Variants in CD44 observed in about 807,000 individuals in gnomAD.
The protein encoded by CD44 is CD44 molecule (IN blood group).
In CD44, 49 loss-of-function variants were observed where a neutral mutation model predicts 88.8. The observed-to-expected ratio is 0.55, with a 90% CI of 0.44 to 0.70. The LOEUF (loss-of-function observed/expected upper bound fraction) is 0.70, where lower values mean the gene tolerates loss of function less well. Ranked by LOEUF, CD44 falls within the 30% of genes least tolerant of loss-of-function variation. The pLI is 0.00. For synonymous variants in CD44, 325 were observed against 312.3 expected (o/e 1.04, Z -0.43); for missense variants, 883 against 913.8 (o/e 0.97, Z 0.43).
chr11:35,193,613 G>T (rs942584865), intron 5 of CD44, among the ~76,000 whole-genome samples: 4 of 152,142 alleles, frequency 2.6e-5, no homozygotes, highest in Admixed American at 2.0e-4. Context: ...AATCTCAGCT[G>T]GCTTAAATTA....
intron 3 of CD44, 74 bp downstream of exon 3, chr11:35,180,481 G>C: frequency 6.6e-7 from 1 of 1,514,760 alleles, no homozygotes; most frequent in Non-Finnish European, 9.1e-7. Context: ...GCTTAAGTGG[G>C]GATTCATGTA....
intron 5 of CD44, among the ~76,000 whole-genome samples, chr11:35,192,540 C>T (rs1302542058): frequency 2.0e-5 from 3 of 152,102 alleles, no homozygotes; most frequent in Non-Finnish European, 2.9e-5. Context: ...ACAGAAGAAG[C>T]GGTCTTTGGC....
intron 15 of CD44, 117 bp downstream of exon 15, chr11:35,215,031 C>T (rs2134255917): frequency 1.9e-6 from 1 of 514,150 alleles, no homozygotes; most frequent in East Asian, 3.4e-5. Context: ...TCTTAGCATA[C>T]ATCACAATTG....
chr11:35,199,122 A>G (rs1271665705), intron 7 of CD44, among the ~76,000 whole-genome samples: 1 of 152,232 alleles, frequency 6.6e-6, no homozygotes, highest in Non-Finnish European at 1.5e-5. Context: ...CTGGACACCA[A>G]TATAGCAGAA....
chr11:35,182,055 A>G lies in CD44; in HGVS notation c.367+1648A>G, dbSNP rs937841582. On this transcript the variant is annotated intron_variant, in intron 3 of 17. Transcript: ENST00000428726. ...TATACACATTTATATATATAAAATCAAGATATCACAGATATATATACCATA... is the reference window on the plus strand; with the variant it reads ...TATACACATTTATATATATAAAATCGAGATATCACAGATATATATACCATA... 2.2e-5 allele frequency among the ~76,000 whole-genome samples: 3 copies of G among 135,076 alleles called. No homozygotes were observed. The East Asian group carries it at 6.0e-4, about 27-fold the overall frequency. 88.6% of individuals were successfully genotyped at this position (135,076 alleles called of 152,430 possible).
At position 35,139,220 on chromosome 11, in the gene CD44, C is replaced by G; in HGVS notation, c.-84C>G. ...TCTGCCAGGTTCGGTCCGCCATCCT[C>G]GTCCCGTCCTCCGCCGGCCCCTGCC... On this transcript the variant is annotated 5_prime_UTR_variant, in exon 1 of 18. Transcript: ENST00000428726. The G allele has an allele frequency of 1.8e-6, 2 of 1,096,944 alleles. No individual in the cohort carries two copies. Among genetic ancestry groups the G allele is most frequent in the Non-Finnish European group, 1.4e-6 (1 of 735,630 alleles). The allele number at this position is 1,096,944 out of a possible 1,614,324, so 68.0% of individuals were successfully genotyped here.
chr11:35,204,712 T>C (rs926650050), intron 10 of CD44, 72 bp downstream of exon 10: 61 of 1,393,436 alleles, frequency 4.4e-5, no homozygotes, highest in Non-Finnish European at 5.7e-5. Flanking sequence ...ATTGAGGACA[T>C]TGAACAAAAG....
intron 5 of CD44, among the ~76,000 whole-genome samples, chr11:35,193,669 C>T (rs975704687): frequency 6.6e-6 from 1 of 152,134 alleles, no homozygotes; most frequent in African/African-American, 2.4e-5. Flanking sequence ...AATAAGAAAA[C>T]ATGCTGGACT....
chr11:35,198,233 T>C lies in CD44; in HGVS notation c.909T>C (p.Phe303=), dbSNP rs1315812578. ...SGSGIDDDED[F]ISSTISTTPR... ...CAGGCATTGATGATGATGAAGATTT[T>C]ATCTCCAGCACCAGTAAGAATAATC... Residue 303 remains phenylalanine (F), a synonymous_variant, in exon 7 of 18, where the codon TTT becomes TTC. Coordinates refer to ENST00000428726, the MANE Select transcript of CD44 (RefSeq NM_000610.4). 9.9e-6 allele frequency: 16 copies of C among 1,613,912 alleles called. No individual in the cohort carries two copies. The highest frequency in any genetic ancestry group is 1.3e-5 in the Non-Finnish European group (15 of 1,179,898).
intron 5 of CD44, among the ~76,000 whole-genome samples, chr11:35,195,097 G>T (rs571446772): frequency 2.0e-5 from 3 of 152,180 alleles, no homozygotes; most frequent in Non-Finnish European, 4.4e-5. Context: ...TGGGTGTGTG[G>T]CTCTTAGCTC....
intron 1 of CD44, among the ~76,000 whole-genome samples, chr11:35,152,594 T>A (rs1860549251): frequency 2.6e-5 from 4 of 152,228 alleles, no homozygotes; most frequent in Admixed American, 2.6e-4. Context: ...CAGAAACACG[T>A]GATATAAAAC....
chr11:35,217,798 A>AG (rs1948957942), intron 15 of CD44, among the ~76,000 whole-genome samples: 2 of 152,196 alleles, frequency 1.3e-5, no homozygotes, highest in African/African-American at 4.8e-5. Context: ...TCCATTTGGT[A>AG]GGAAAAAAAA....
intron 1 of CD44, among the ~76,000 whole-genome samples, chr11:35,159,014 A>G (rs1056675804): frequency 2.0e-5 from 3 of 152,120 alleles, no homozygotes; most frequent in African/African-American, 7.2e-5. Flanking sequence ...CTCCCATTGC[A>G]ATTGTTTCCT....
Position 35,139,450 on chromosome 11 carries a change from G to T in CD44, c.67+80G>T, listed in dbSNP as rs1330911346. On this transcript the variant is annotated intron_variant, in intron 1 of 17. Coordinates refer to ENST00000428726, the MANE Select transcript of CD44 (RefSeq NM_000610.4). ...ACCCGGCGGCAGCCCCTCCGGCTGA[G>T]TCGGCCCTGGGGGACTGGAGTCAAG... is the stretch of plus-strand genomic sequence containing the variant. 9 of 1,293,612 alleles carry T rather than the reference G, an allele frequency of 7.0e-6. No homozygotes were observed. In the East Asian group the frequency reaches 1.7e-4, roughly 25 times the overall value. The allele number at this position is 1,293,612 out of a possible 1,614,324, so 80.1% of individuals were successfully genotyped here. A position where few individuals can be genotyped will look rare whatever the true frequency, so the allele number is the denominator to read the frequency against.
chr11:35,214,929 G>A lies in CD44; in HGVS notation c.1873+15G>A. 1 of 1,510,368 alleles carries A rather than the reference G, an allele frequency of 6.6e-7. No homozygotes were observed. Among genetic ancestry groups the A allele is most frequent in the East Asian group, 2.5e-5 (1 of 40,552 alleles). The allele number at this position is 1,510,368 out of a possible 1,614,324, so 93.6% of individuals were successfully genotyped here. A position where few individuals can be genotyped will look rare whatever the true frequency, so the allele number is the denominator to read the frequency against. Reference sequence around the variant, plus strand: ...TGAATCAGATGGTGAGTTCAAAACTGCTTTAGTCATTTACTGTTATAATCA... The same window carrying A: ...TGAATCAGATGGTGAGTTCAAAACTACTTTAGTCATTTACTGTTATAATCA... On this transcript the variant is annotated intron_variant, in intron 15 of 17. Transcript: ENST00000428726.
chr11:35,220,803 G>C (rs1348144422), intron 16 of CD44, among the ~76,000 whole-genome samples: 1 of 44,106 alleles, frequency 2.3e-5, no homozygotes. Flanking sequence ...GTTTTGCTTT[G>C]TTGCCCAGGC....
intron 1 of CD44, among the ~76,000 whole-genome samples, chr11:35,145,900 G>A (rs77357456): frequency 0.012 from 1,882 of 152,298 alleles, 42 homozygotes; most frequent in African/African-American, 0.043. Context: ...CCTGACATCC[G>A]ACGGGGAGCC....
At position 35,227,245 on chromosome 11, in the gene CD44, G is replaced by C. The variant is rs1190111481; in HGVS notation, c.2025-1884G>C. Reference sequence around the variant, plus strand: ...CTGTCACCCAGGCTGGAATGCAGTGGCACAAACACAGCTCACTGCAGCCTC... The same window carrying C: ...CTGTCACCCAGGCTGGAATGCAGTGCCACAAACACAGCTCACTGCAGCCTC... On this transcript the variant is annotated intron_variant, in intron 17 of 17. Coordinates refer to ENST00000428726, the MANE Select transcript of CD44 (RefSeq NM_000610.4). Among the ~76,000 whole-genome samples, 3 of 152,202 alleles carry C rather than the reference G, an allele frequency of 2.0e-5. No homozygotes were observed. In the East Asian group the frequency reaches 5.8e-4, roughly 29 times the overall value.
chr11:35,226,245 G>C (rs567813285), intron 17 of CD44, among the ~76,000 whole-genome samples: 36 of 152,108 alleles, frequency 2.4e-4, no homozygotes, highest in Non-Finnish European at 4.9e-4. Flanking sequence ...GATCAGCTTC[G>C]TTTAGATTAA....
Sources: gnomAD v4.1 joint callset for allele counts (sites outside exome capture counted in the v4.1 genomes callset) on GRCh38, gnomAD v4.1.1 for gene constraint, MANE v1.5 for transcripts, NCBI Gene and HGNC (gene_info 2026-07-23, HGNC 2026-07-21) for gene names.